The following BAHCC1 variants were observed in gnomAD, a reference collection of about 807,000 sequenced individuals.
The protein encoded by BAHCC1 is BAH and coiled-coil domain-containing protein 1.
A neutral mutation model predicts 88.2 loss-of-function variants in BAHCC1; 43 were observed. That is an observed-to-expected ratio of 0.49 (90% CI 0.38 to 0.63). The LOEUF is 0.63. BAHCC1 is among the 20% of genes least tolerant of loss of function. The probability of loss-of-function intolerance (pLI) is 0.00; values close to 1 mark genes in which losing one functional copy is unlikely to be tolerated. For synonymous variants in BAHCC1, 1,510 were observed against 745.5 expected, an observed-to-expected ratio of 2.03 and a Z score of -16.71; for missense variants, 3,023 against 1,654.8, an observed-to-expected ratio of 1.83 and a Z score of -14.34.
At chr17:81,418,557 G>A (rs888932200) in intron 2 of BAHCC1, among the ~76,000 whole-genome samples, 1 of 152,202 alleles carries the variant, frequency 6.6e-6, no homozygotes, top group Non-Finnish European at 1.5e-5. Flanking sequence ...ACCCAGGGCA[G>A]CTGTTCATCC....
At chr17:81,417,428 T>C (rs1404827950) in intron 2 of BAHCC1, among the ~76,000 whole-genome samples, 9 of 151,750 alleles carry the variant, frequency 5.9e-5, no homozygotes, top group African/African-American at 2.2e-4. Flanking sequence ...GTGTGAAGAA[T>C]TGGAGAAGCA....
chr17:81,458,724 A>G lies in BAHCC1; in HGVS notation c.5447A>G (p.Gln1816Arg). 1.4e-6 allele frequency: 1 copy of G among 735,068 alleles called. No homozygotes were observed. The highest frequency in any genetic ancestry group is 1.9e-5 in the Admixed American group (1 of 51,676). 45.5% of individuals were successfully genotyped at this position (735,068 alleles called of 1,614,324 possible). The change falls in exon 19 of 28, where the codon CAG (glutamine) becomes CGG (arginine). Residue 1816 changes from glutamine to arginine, a missense_variant and splice_region_variant. Gln to Arg is a conservative substitution (Grantham distance 43). Transcript: ENST00000675386. ...LSKVKHKAGK[Q>R]GKGRAVSRLL... Reference sequence around the variant, plus strand: ...AAGGTGAAGCACAAGGCCGGCAAGCAGGTAGCAGCCCCCCACTCTGGGAGC... The same window carrying G: ...AAGGTGAAGCACAAGGCCGGCAAGCGGGTAGCAGCCCCCCACTCTGGGAGC...
At chr17:81,396,741 C>A (rs2063750177) in intron 1 of BAHCC1, 1 of 152,262 alleles carries the variant, frequency 6.6e-6, no homozygotes, top group Non-Finnish European at 1.5e-5. Context: ...CCTGGGGCCG[C>A]GGCAAGAGGG....
rs1331483335 is a variant in BAHCC1 at position 81,399,301 on chromosome 17, G to C, written c.-206-233G>C. On this transcript the variant is annotated intron_variant, in intron 1 of 27. Coordinates refer to ENST00000675386, the MANE Select transcript of BAHCC1 (RefSeq NM_001377448.1). This position sits in a 1 kb window ranked among gnomAD's most constrained non-coding sequence, Gnocchi z 4.5. Reference sequence around the variant, plus strand: ...GCGGCTGGGTTCCCCCGGCTGCCCCGGGCCAAGCGTGGCCGGGACGGTGCG... The same window carrying C: ...GCGGCTGGGTTCCCCCGGCTGCCCCCGGCCAAGCGTGGCCGGGACGGTGCG... 1.2e-4 allele frequency: 36 copies of C among 289,676 alleles called. No individual in the cohort carries two copies. 17.9% of individuals were successfully genotyped at this position (289,676 alleles called of 1,614,324 possible). A position where few individuals can be genotyped will look rare whatever the true frequency, so the allele number is the denominator to read the frequency against.
At position 81,463,716 on chromosome 17, in the gene BAHCC1, C is replaced by A. The variant is rs1286725800; in HGVS notation, c.7726C>A (p.Arg2576Ser). 2.6e-6 allele frequency: 2 copies of A among 779,544 alleles called. No homozygotes were observed. The highest frequency in any genetic ancestry group is 2.4e-6 in the Non-Finnish European group (1 of 417,868). 48.3% of individuals were successfully genotyped at this position (779,544 alleles called of 1,614,324 possible). A position where few individuals can be genotyped will look rare whatever the true frequency, so the allele number is the denominator to read the frequency against. ...REQYEQMARS[R>S]KCQDRQDLYY... is the part of the protein sequence containing the mutation. ...GCAGTATGAGCAGATGGCCCGGAGC[C>A]GCAAGTGCCAGGACCGGCAGGACCT... The change falls in exon 28 of 28, where the codon CGC becomes AGC. Residue 2576 changes from arginine to serine, a missense_variant. Coordinates refer to ENST00000675386, the MANE Select transcript of BAHCC1 (RefSeq NM_001377448.1).
intron 1 of BAHCC1, chr17:81,396,464 C>T (rs1555644923): frequency 6.6e-6 from 1 of 152,102 alleles, no homozygotes; most frequent in Non-Finnish European, 1.5e-5. Flanking sequence ...GTTCTCATGA[C>T]TCTCCCAGGG....
rs782361871 is a variant in BAHCC1 at position 81,459,570 on chromosome 17, G to A, written c.5871G>A (p.Lys1957=). The A allele has an allele frequency of 1.9e-5, 15 of 779,732 alleles. No homozygotes were observed. Among genetic ancestry groups the A allele is most frequent in the South Asian group, 1.3e-4 (10 of 74,630 alleles). 48.3% of individuals were successfully genotyped at this position (779,732 alleles called of 1,614,324 possible). ...GTRVCAYWSQ[K]SRCLYPGNVV... is the part of the protein sequence containing the mutation. ...GGGTCTGCGCCTACTGGAGTCAGAAGTCTCGATGTCTGTACCCGGGCAACG... is the reference window on the plus strand; with the variant it reads ...GGGTCTGCGCCTACTGGAGTCAGAAATCTCGATGTCTGTACCCGGGCAACG... Residue 1957 remains lysine (K), a synonymous_variant, in exon 23 of 28, where the codon AAG becomes AAA. Transcript: ENST00000675386.
chr17:81,399,150 T>TGC lies in BAHCC1; in HGVS notation c.-206-383_-206-382insCG, dbSNP rs782364429. On this transcript the variant is annotated intron_variant, in intron 1 of 27. Coordinates refer to ENST00000675386, the MANE Select transcript of BAHCC1 (RefSeq NM_001377448.1). The surrounding 1 kb of genome is among the most constrained non-coding windows in gnomAD (Gnocchi z 4.5). Reference sequence around the variant, plus strand: ...GTGAGTGTGTGTGTGTGTGTGTGTGTGTGCGAGTGTGCGTGATGGCTTCGC... The same window carrying TGC: ...GTGAGTGTGTGTGTGTGTGTGTGTGTGCGTGCGAGTGTGCGTGATGGCTTCGC... The TGC allele has an allele frequency of 3.3e-4, 127 of 380,784 alleles. No individual in the cohort carries two copies. Among genetic ancestry groups the TGC allele is most frequent in the African/African-American group, 4.7e-4 (20 of 42,460 alleles). The allele number at this position is 380,784 out of a possible 1,614,324, so 23.6% of individuals were successfully genotyped here.
Position 81,454,881 on chromosome 17 carries a change from G to A in BAHCC1, c.4446-386G>A, listed in dbSNP as rs550515771. Among the ~76,000 whole-genome samples the A allele has an allele frequency of 8.4e-4, 128 of 152,320 alleles. 1 individual carries two copies. Among genetic ancestry groups the A allele is most frequent in the Non-Finnish European group, 1.3e-3 (91 of 68,016 alleles). On this transcript the variant is annotated intron_variant, in intron 14 of 27. Transcript: ENST00000675386. ...AGAGCCCTCACCGGCCCCAGCCCCC[G>A]ACACCTGGCCTCTGGGTCACTGTGG...
chr17:81,399,160 T>C lies in BAHCC1; in HGVS notation c.-206-374T>C. ...GTGTGTGTGTGTGTGTGTGCGAGTGTGCGTGATGGCTTCGCAGATTTGGGT... is the reference window on the plus strand; with the variant it reads ...GTGTGTGTGTGTGTGTGTGCGAGTGCGCGTGATGGCTTCGCAGATTTGGGT... On this transcript the variant is annotated intron_variant, in intron 1 of 27. Transcript: ENST00000675386. The surrounding 1 kb of genome is among the most constrained non-coding windows in gnomAD (Gnocchi z 4.5). 2.5e-6 allele frequency: 1 copy of C among 392,352 alleles called. No individual in the cohort carries two copies. The highest frequency in any genetic ancestry group is 5.1e-6 in the Non-Finnish European group (1 of 196,608). 24.3% of individuals were successfully genotyped at this position (392,352 alleles called of 1,614,324 possible). A position where few individuals can be genotyped will look rare whatever the true frequency, so the allele number is the denominator to read the frequency against.
At chr17:81,429,289 G>A (rs2064234178) in intron 3 of BAHCC1, among the ~76,000 whole-genome samples, 3 of 152,220 alleles carry the variant, frequency 2.0e-5, no homozygotes, top group African/African-American at 7.2e-5. Context: ...GGGTGGCAGA[G>A]CCTCCAAGGC....
rs1311826404 is a variant in BAHCC1 at position 81,464,153 on chromosome 17, G to A, written c.*336G>A. 2.5e-6 allele frequency: 1 copy of A among 395,152 alleles called. No homozygotes were observed. The highest frequency in any genetic ancestry group is 3.4e-5 in the South Asian group (1 of 29,146). 24.5% of individuals were successfully genotyped at this position (395,152 alleles called of 1,614,324 possible). A position where few individuals can be genotyped will look rare whatever the true frequency, so the allele number is the denominator to read the frequency against. On this transcript the variant is annotated 3_prime_UTR_variant, in exon 28 of 28. Transcript: ENST00000675386. Reference sequence around the variant, plus strand: ...GCCATATTCCCTAGTACCTCCGACTGTCTCCCACCAGGGAAAGCAGAAATC... The same window carrying A: ...GCCATATTCCCTAGTACCTCCGACTATCTCCCACCAGGGAAAGCAGAAATC...
At chr17:81,428,099 A>T (rs976210400) in intron 3 of BAHCC1, among the ~76,000 whole-genome samples, 3 of 152,050 alleles carry the variant, frequency 2.0e-5, no homozygotes, top group Admixed American at 1.3e-4. Context: ...CTACCTTGGG[A>T]TGCGGTGGGC....
In BAHCC1 at chr17:81,444,585, C is replaced by CGG. The variant is rs782814224; in HGVS notation, c.2512+21_2512+22dup. 1.4e-6 allele frequency: 1 copy of CGG among 735,828 alleles called. No individual in the cohort carries two copies. The highest frequency in any genetic ancestry group is 2.5e-6 in the Non-Finnish European group (1 of 401,578). 45.6% of individuals were successfully genotyped at this position (735,828 alleles called of 1,614,324 possible). On this transcript the variant is annotated intron_variant, in intron 7 of 27. Coordinates refer to ENST00000675386, the MANE Select transcript of BAHCC1 (RefSeq NM_001377448.1). Reference sequence around the variant, plus strand: ...ACTCCTACGGTCAGTGATCCAAGGGCGGGGGCTGGCCTGGGGCTGATGAGG... The same window carrying CGG: ...ACTCCTACGGTCAGTGATCCAAGGGCGGGGGGGCTGGCCTGGGGCTGATGAGG...
Position 81,452,765 on chromosome 17 carries a change from C to T in BAHCC1, c.4359C>T (p.Gly1453=). The T allele has an allele frequency of 1.3e-6, 1 of 744,858 alleles. No homozygotes were observed. The allele number at this position is 744,858 out of a possible 1,614,324, so 46.1% of individuals were successfully genotyped here. A position where few individuals can be genotyped will look rare whatever the true frequency, so the allele number is the denominator to read the frequency against. ...GGAGCCCTGCACGGCGGGGGCCTGG[C>T]CGGCCGAGGAAGCGCAAACACTCAA... The part of the protein sequence containing the change: ...SSRSPARRGP[G]RPRKRKHSSS... Residue 1453 remains glycine (G), a synonymous_variant, in exon 14 of 28, where the codon GGC becomes GGT. Transcript: ENST00000675386.
chr17:81,413,533 C>T (rs1206791232), intron 2 of BAHCC1, among the ~76,000 whole-genome samples: 2 of 152,254 alleles, frequency 1.3e-5, no homozygotes, highest in Non-Finnish European at 2.9e-5. Context: ...CCGTCCCCAC[C>T]CCAGCCAGGG....
intron 14 of BAHCC1, among the ~76,000 whole-genome samples, chr17:81,453,638 G>T (rs1326863890): frequency 6.6e-6 from 1 of 151,914 alleles, no homozygotes; most frequent in Non-Finnish European, 1.5e-5. Context: ...CTCCTGGGGG[G>T]GGGTCTCCTG....
chr17:81,413,199 C>T (rs2063977283), intron 2 of BAHCC1: 3 of 380,260 alleles, frequency 7.9e-6, no homozygotes, highest in African/African-American at 2.1e-5. Flanking sequence ...TGGCTGCCTC[C>T]CCTGTGCTGA....
intron 4 of BAHCC1, 22 bp downstream of exon 4, chr17:81,438,514 C>A: frequency 1.3e-6 from 1 of 757,584 alleles, no homozygotes; most frequent in Admixed American, 1.8e-5. Flanking sequence ...ATGGGACCGG[C>A]GTGGGGAGCA....
Sources: allele counts gnomAD v4.1 joint callset (sites outside exome capture counted in the v4.1 genomes callset), GRCh38; gene constraint gnomAD v4.1.1; non-coding constraint Gnocchi (gnomAD v3.1); transcripts MANE v1.5; gene names NCBI Gene and HGNC (gene_info 2026-07-23, HGNC 2026-07-21).